The following KIRREL3 variants were observed in gnomAD, a reference collection of about 807,000 sequenced individuals.
The protein encoded by KIRREL3 is kin of IRRE-like protein 3.
KIRREL3 carries 36 observed loss-of-function variants against 89.7 expected under a neutral mutation model. That is an observed-to-expected ratio of 0.40 (90% CI 0.31 to 0.53). KIRREL3 has a LOEUF of 0.53. KIRREL3 is among the 20% of genes least tolerant of loss of function. KIRREL3 has a pLI of 0.49. For synonymous variants in KIRREL3, 445 were observed against 441.4 expected (o/e 1.01, Z -0.10); for missense variants, 864 against 1,056.6 (o/e 0.82, Z 2.53).
chr11:126,804,783 C>T (rs1302596739), intron 1 of KIRREL3, among the ~76,000 whole-genome samples: 1 of 152,148 alleles, frequency 6.6e-6, no homozygotes, highest in Non-Finnish European at 1.5e-5. Flanking sequence ...AGCAGTGGCT[C>T]ACAACCTGAG....
intron 1 of KIRREL3, among the ~76,000 whole-genome samples, chr11:126,753,520 G>T (rs193252782): frequency 6.6e-6 from 1 of 152,178 alleles, no homozygotes; most frequent in African/African-American, 2.4e-5. Flanking sequence ...AGACAATTGT[G>T]GGGGACAAGA....
chr11:126,530,518 C>A lies in KIRREL3; in HGVS notation c.134-3831G>T, dbSNP rs1458506750. Among the ~76,000 whole-genome samples the A allele has an allele frequency of 6.6e-6, 1 of 152,158 alleles. No homozygotes were observed. Among genetic ancestry groups the A allele is most frequent in the Non-Finnish European group, 1.5e-5 (1 of 68,030 alleles). ...TGAGCTCCTGAGAACCTGTTTCTTC[C>A]ACACACACACTGACCGGACCCTGCT... On this transcript the variant is annotated intron_variant, in intron 2 of 16. Transcript: ENST00000525144. This position sits in a 1 kb window ranked among gnomAD's most constrained non-coding sequence, Gnocchi z 5.8.
rs1950392964 is a variant in KIRREL3, at chr11:126,783,574, A to T, written c.55+216881T>A. 1.3e-5 allele frequency among the ~76,000 whole-genome samples: 2 copies of T among 152,232 alleles called. No homozygotes were observed. The highest frequency in any genetic ancestry group is 4.8e-5 in the African/African-American group (2 of 41,466). Reference sequence around the variant, plus strand: ...AACTGAAAGAGCTCCCATTGACCAAAGATGGCATGCTTTAGCAACAAAATA... The same window carrying T: ...AACTGAAAGAGCTCCCATTGACCAATGATGGCATGCTTTAGCAACAAAATA... On this transcript the variant is annotated intron_variant, in intron 1 of 16. Transcript: ENST00000525144. This position sits in a 1 kb window ranked among gnomAD's most constrained non-coding sequence, Gnocchi z 4.3.
intron 1 of KIRREL3, chr11:126,944,841 C>T (rs1948571909): frequency 6.6e-6 from 1 of 152,206 alleles, no homozygotes; most frequent in Non-Finnish European, 1.5e-5. Flanking sequence ...ATTTGGGTAA[C>T]AGCATGGGGG....
rs527692562 is a variant in KIRREL3, at chr11:126,530,762, C to T, written c.134-4075G>A. On this transcript the variant is annotated intron_variant, in intron 2 of 16. Coordinates refer to ENST00000525144, the MANE Select transcript of KIRREL3 (RefSeq NM_032531.4). This position sits in a 1 kb window ranked among gnomAD's most constrained non-coding sequence, Gnocchi z 5.8. The stretch of plus-strand genomic sequence containing the variant: ...TTCCATCTTCTCCGCTTCGCATTTT[C>T]CCTGATGATGTTCCCCTGGTGTGAA... 6.6e-6 allele frequency among the ~76,000 whole-genome samples: 1 copy of T among 152,234 alleles called. No homozygotes were observed. Among genetic ancestry groups the T allele is most frequent in the Non-Finnish European group, 1.5e-5 (1 of 68,032 alleles).
intron 2 of KIRREL3, among the ~76,000 whole-genome samples, chr11:126,559,902 T>G (rs1034490264): frequency 2.0e-5 from 3 of 152,092 alleles, no homozygotes; most frequent in African/African-American, 7.2e-5. Context: ...AGGCTGGTCT[T>G]GAACTCCTGA....
intron 1 of KIRREL3, among the ~76,000 whole-genome samples, chr11:126,921,307 C>T (rs556380014): frequency 2.9e-4 from 44 of 152,286 alleles, no homozygotes. Flanking sequence ...TGGGTCTCCA[C>T]CTTGCAGAAG....
intron 1 of KIRREL3, among the ~76,000 whole-genome samples, chr11:126,680,370 C>T (rs1027884385): frequency 4.6e-5 from 7 of 151,314 alleles, no homozygotes; most frequent in African/African-American, 1.7e-4. Flanking sequence ...ACCCATTAGC[C>T]CAATGCTCAT....
At chr11:126,596,528 G>C (rs773122081) in intron 1 of KIRREL3, among the ~76,000 whole-genome samples, 1 of 152,202 alleles carries the variant, frequency 6.6e-6, no homozygotes, top group Non-Finnish European at 1.5e-5. Flanking sequence ...TCGGCCCCAG[G>C]GCCAAGATAT....
chr11:126,963,856 A>T (rs1283305298), intron 1 of KIRREL3, among the ~76,000 whole-genome samples: 3 of 152,182 alleles, frequency 2.0e-5, no homozygotes. Flanking sequence ...GGAGTGAATG[A>T]CTTTCCTCAG....
chr11:126,701,892 G>A (rs1470863911), intron 1 of KIRREL3, among the ~76,000 whole-genome samples: 2 of 152,140 alleles, frequency 1.3e-5, no homozygotes, highest in Non-Finnish European at 2.9e-5. Context: ...TACCTAAAAG[G>A]TTCTTTAGGT....
rs1945590036 is a variant in KIRREL3, at chr11:126,664,976, T to G, written c.56-102064A>C. 6.6e-6 allele frequency among the ~76,000 whole-genome samples: 1 copy of G among 152,212 alleles called. No individual in the cohort carries two copies. The highest frequency in any genetic ancestry group is 2.1e-4 in the South Asian group (1 of 4,830). On this transcript the variant is annotated intron_variant, in intron 1 of 16. Transcript: ENST00000525144. This position sits in a 1 kb window ranked among gnomAD's most constrained non-coding sequence, Gnocchi z 5.4. ...CTTCGACACATTATTCATAACATGA[T>G]GATTATTTTGGAGTGCGTTCTTTTG...
At chr11:126,884,003 G>T (rs1166846147) in intron 1 of KIRREL3, among the ~76,000 whole-genome samples, 1 of 152,122 alleles carries the variant, frequency 6.6e-6, no homozygotes, top group Non-Finnish European at 1.5e-5. Context: ...CTGGCCACCC[G>T]GGGAGATTGA....
intron 1 of KIRREL3, among the ~76,000 whole-genome samples, chr11:126,857,486 A>T (rs1464465471): frequency 6.6e-6 from 1 of 152,150 alleles, no homozygotes; most frequent in Non-Finnish European, 1.5e-5. Flanking sequence ...CTGGGACTTT[A>T]CTTAAAATCA....
chr11:126,919,343 G>A (rs148719817), intron 1 of KIRREL3, among the ~76,000 whole-genome samples: 2 of 152,248 alleles, frequency 1.3e-5, no homozygotes, highest in African/African-American at 4.8e-5. Flanking sequence ...CCTCCTTTCT[G>A]TAGTTCCAGT....
rs561712745 is a variant in KIRREL3, at chr11:127,000,006, C to A, written c.55+449G>T. The stretch of plus-strand genomic sequence containing the variant: ...AACCACACACATTCGCTTTTGAATA[C>A]ACTTGTGCAAGTCAAACCCTATTCA... On this transcript the variant is annotated intron_variant, in intron 1 of 16. Transcript: ENST00000525144. The surrounding 1 kb of genome is among the most constrained non-coding windows in gnomAD (Gnocchi z 7.1). 1.4e-3 allele frequency among the ~76,000 whole-genome samples: 211 copies of A among 152,232 alleles called. No homozygotes were observed. Among genetic ancestry groups the A allele is most frequent in the African/African-American group, 4.9e-3 (203 of 41,542 alleles).
chr11:126,692,432 C>G (rs1334708191), intron 1 of KIRREL3, among the ~76,000 whole-genome samples: 2 of 151,072 alleles, frequency 1.3e-5, no homozygotes, highest in African/African-American at 2.4e-5. Flanking sequence ...GTAGTCTCAG[C>G]TCCTCAGGAG....
In KIRREL3 at chr11:126,471,114, T is replaced by C. The variant is rs1956876946; in HGVS notation, c.591+2195A>G. ...GGCTCAGTCCTGTAATCCCAGCACT[T>C]TGGGAGGCTGAGGCAGGTGGATCAC... On this transcript the variant is annotated intron_variant, in intron 5 of 16. Transcript: ENST00000525144. This position sits in a 1 kb window ranked among gnomAD's most constrained non-coding sequence, Gnocchi z 5.4. Among the ~76,000 whole-genome samples the C allele has an allele frequency of 6.6e-6, 1 of 152,068 alleles. No individual in the cohort carries two copies. The highest frequency in any genetic ancestry group is 6.6e-5 in the Admixed American group (1 of 15,266).
rs1263358064 is a variant in KIRREL3, at chr11:126,812,886, G to A, written c.55+187569C>T. On this transcript the variant is annotated intron_variant, in intron 1 of 16. Coordinates refer to ENST00000525144, the MANE Select transcript of KIRREL3 (RefSeq NM_032531.4). This position sits in a 1 kb window ranked among gnomAD's most constrained non-coding sequence, Gnocchi z 5.2. ...AAGGAAGTGGCCTACGGGAATCTGC[G>A]CACCTCTGCTGTGACCGGGAAGCTG... Among the ~76,000 whole-genome samples the A allele has an allele frequency of 1.3e-5, 2 of 152,152 alleles. No homozygotes were observed. The highest frequency in any genetic ancestry group is 2.9e-5 in the Non-Finnish European group (2 of 68,020).
Sources: allele counts gnomAD v4.1 joint callset (sites outside exome capture counted in the v4.1 genomes callset), GRCh38; gene constraint gnomAD v4.1.1; non-coding constraint Gnocchi (gnomAD v3.1); transcripts MANE v1.5; gene names NCBI Gene and HGNC (gene_info 2026-07-23, HGNC 2026-07-21).